Variants in HTT observed in about 807,000 individuals in gnomAD.
HTT encodes the protein huntington disease protein.
A neutral mutation model predicts 362.3 loss-of-function variants in HTT; 104 were observed. The observed-to-expected ratio is 0.29, with a 90% CI of 0.24 to 0.34. The LOEUF (loss-of-function observed/expected upper bound fraction) is 0.34, where lower values mean the gene tolerates loss of function less well. Among genes scored for constraint, HTT ranks in the 10% least tolerant of loss-of-function variants. The pLI is 1.00. For missense variants in HTT, 3,301 were observed against 3,928.6 expected (o/e 0.84, Z 4.27); for synonymous variants, 1,577 against 1,548.7 (o/e 1.02, Z -0.43).
chr4:3,132,463 C>A, intron 16 of HTT, 99 bp from the exon 17 acceptor site: 2 of 992,274 alleles, frequency 2.0e-6, no homozygotes, highest in Non-Finnish European at 3.0e-6. Flanking sequence ...ATCTTCTCTT[C>A]ACACCTCTTT....
chr4:3,129,223 A>G (rs1206927010), intron 12 of HTT: 2 of 152,336 alleles, frequency 1.3e-5, no homozygotes, highest in Admixed American at 1.3e-4. Flanking sequence ...ACGTGGGTGT[A>G]CAGATAGCTC....
chr4:3,239,774 G>A, intron 66 of HTT, 72 bp from the exon 67 acceptor site: 1 of 1,238,042 alleles, frequency 8.1e-7, no homozygotes, highest in South Asian at 1.3e-5. Flanking sequence ...TTCAGGAGAG[G>A]AACTCCCAGG....
rs1419687761 is a variant in HTT at position 3,099,307 on chromosome 4, C to T, written c.381C>T (p.Ile127=). ...NSPEFQKLLG[I]AMELFLLCSD... is the part of the protein sequence containing the mutation. ...CAGAATTTCAGAAACTTCTGGGCATCGCTATGGAACTTTTTCTGCTGTGCA... is the reference window on the plus strand; with the variant it reads ...CAGAATTTCAGAAACTTCTGGGCATTGCTATGGAACTTTTTCTGCTGTGCA... The change falls in exon 3 of 67, where the codon ATC becomes ATT. Residue 127 remains isoleucine (I), a synonymous_variant. Coordinates refer to ENST00000355072, the MANE Select transcript of HTT (RefSeq NM_001388492.1). The T allele has an allele frequency of 5.6e-6, 9 of 1,613,942 alleles. No homozygotes were observed. The highest frequency in any genetic ancestry group is 5.5e-5 in the South Asian group (5 of 91,062).
chr4:3,189,179 G>A (rs1296862536), intron 40 of HTT, 86 bp downstream of exon 40: 23 of 1,352,162 alleles, frequency 1.7e-5, no homozygotes, highest in Admixed American at 2.1e-5. Context: ...TGTGCTGCCC[G>A]GTAGAAACTC....
Position 3,187,755 on chromosome 4 carries a change from G to A in HTT, c.5094G>A (p.Glu1698=). Residue 1698 remains glutamate, a synonymous_variant, in exon 39 of 67, where the codon GAG becomes GAA. Transcript: ENST00000355072. ...ATATTGTTCTTTCTCGTATTCAGGA[G>A]CTCTCCTTCTCTCCGTATTTAATCT... ...TEDIVLSRIQ[E]LSFSPYLISC... 1 of 1,613,782 alleles carries A rather than the reference G, an allele frequency of 6.2e-7. No homozygotes were observed. Among genetic ancestry groups the A allele is most frequent in the East Asian group, 2.2e-5 (1 of 44,880 alleles).
chr4:3,166,884 C>G (rs986851043), intron 29 of HTT, among the ~76,000 whole-genome samples: 1 of 152,270 alleles, frequency 6.6e-6, no homozygotes, highest in African/African-American at 2.4e-5. Flanking sequence ...CCCCCGACCC[C>G]TTGTGCTTCC....
At chr4:3,195,121 C>G in intron 40 of HTT, among the ~76,000 whole-genome samples, 1 of 152,100 alleles carries the variant, frequency 6.6e-6, no homozygotes, top group East Asian at 1.9e-4. Flanking sequence ...CTGCCACTTT[C>G]AGAATACCCA....
chr4:3,113,669 TA>T (rs982491739), intron 6 of HTT, among the ~76,000 whole-genome samples: 12 of 152,200 alleles, frequency 7.9e-5, no homozygotes, highest in Non-Finnish European at 1.3e-4. Flanking sequence ...TTCTTGCAGC[TA>T]AAAAAGTTTG....
At chr4:3,137,782 C>G (rs1716139456) in intron 21 of HTT, among the ~76,000 whole-genome samples, 1 of 152,150 alleles carries the variant, frequency 6.6e-6, no homozygotes, top group South Asian at 2.1e-4. Context: ...GCTTCTTTTA[C>G]TTAATTGTGA....
rs760763234 is a variant in HTT, at chr4:3,192,106, G to A, written c.5368+3013G>A. Among the ~76,000 whole-genome samples the A allele has an allele frequency of 2.6e-5, 4 of 152,016 alleles. No individual in the cohort carries two copies. In the East Asian group the frequency reaches 5.8e-4, roughly 22 times the overall value. ...TTTAAAGATAGGGTCTCACTTTGTCGCCTAGGCTGAAGTGCAGTGGCATGA... is the reference window on the plus strand; with the variant it reads ...TTTAAAGATAGGGTCTCACTTTGTCACCTAGGCTGAAGTGCAGTGGCATGA... On this transcript the variant is annotated intron_variant, in intron 40 of 66. Transcript: ENST00000355072.
intron 64 of HTT, among the ~76,000 whole-genome samples, chr4:3,236,639 C>T (rs902379098): frequency 1.3e-5 from 2 of 152,092 alleles, no homozygotes; most frequent in East Asian, 3.8e-4. Context: ...GAGAGGGGAG[C>T]CCACGGGGCT....
Position 3,218,084 on chromosome 4 carries a change from A to G in HTT, c.7242+132A>G. On this transcript the variant is annotated intron_variant, in intron 52 of 66. Transcript: ENST00000355072. The surrounding 1 kb of genome is among the most constrained non-coding windows in gnomAD (Gnocchi z 4.4). ...GCTGCCTGCTGTGGTTCTGGTGCCC[A>G]CTGTGGTTCTGGTGCCAGGCTGCTT... 1.3e-6 allele frequency: 1 copy of G among 744,696 alleles called. No individual in the cohort carries two copies. Among genetic ancestry groups the G allele is most frequent in the South Asian group, 2.0e-5 (1 of 49,846 alleles). 46.1% of individuals were successfully genotyped at this position (744,696 alleles called of 1,614,324 possible).
At chr4:3,110,060 T>G (rs1400224024) in intron 6 of HTT, among the ~76,000 whole-genome samples, 1 of 152,176 alleles carries the variant, frequency 6.6e-6, no homozygotes, top group African/African-American at 2.4e-5. Context: ...TTCATCACCA[T>G]GTCGTGTTCA....
chr4:3,172,021 G>A (rs1258306470), intron 29 of HTT, among the ~76,000 whole-genome samples: 3 of 152,150 alleles, frequency 2.0e-5, no homozygotes, highest in Non-Finnish European at 4.4e-5. Context: ...CTGAATTCCT[G>A]CCCTGCGAAC....
intron 24 of HTT, among the ~76,000 whole-genome samples, chr4:3,146,341 C>T (rs1258818813): frequency 6.6e-6 from 1 of 152,122 alleles, no homozygotes; most frequent in Non-Finnish European, 1.5e-5. Flanking sequence ...ATTGGGGAAC[C>T]AACATAATAA....
In HTT at chr4:3,217,950, C is replaced by T; in HGVS notation, c.7240C>T (p.Leu2414=). The T allele has an allele frequency of 6.2e-7, 1 of 1,605,198 alleles. No homozygotes were observed. The highest frequency in any genetic ancestry group is 8.5e-7 in the Non-Finnish European group (1 of 1,176,110). ...LVNSYTRVPP[L]VWKLGWSPKP... ...CAACAGCTACACACGTGTGCCCCCA[C>T]TGGTGAGTCTGCTCGTTCCTTGCAG... is the stretch of plus-strand genomic sequence containing the variant. Residue 2414 remains leucine, a splice_region_variant and synonymous_variant, in exon 52 of 67, where the codon CTG becomes TTG. Coordinates refer to ENST00000355072, the MANE Select transcript of HTT (RefSeq NM_001388492.1).
intron 35 of HTT, among the ~76,000 whole-genome samples, chr4:3,179,824 G>A (rs1198673585): frequency 7.5e-5 from 11 of 146,732 alleles, no homozygotes; most frequent in African/African-American, 1.8e-4. Flanking sequence ...ATGTGTGAGC[G>A]TATGTGTCAC....
At chr4:3,119,781 G>T (rs1715206362) in intron 8 of HTT, among the ~76,000 whole-genome samples, 1 of 152,172 alleles carries the variant, frequency 6.6e-6, no homozygotes, top group South Asian at 2.1e-4. Context: ...TTATTACATT[G>T]AGAGGAGCCA....
chr4:3,148,025 A>G lies in HTT; in HGVS notation c.3316A>G (p.Arg1106Gly), dbSNP rs1456384797. ...LLAASAPKSLRSSWASEEEAN... is the reference protein window; with the variant it reads ...LLAASAPKSLGSSWASEEEAN... ...CACAGCCAGTGCTCCCAAATCTCTG[A>G]GAAGTTCATGGGCCTCTGAAGAAGA... The change falls in exon 26 of 67, where the codon AGA becomes GGA. Residue 1106 changes from arginine (R) to glycine (G), a missense_variant. Transcript: ENST00000355072. 6.2e-7 allele frequency: 1 copy of G among 1,613,526 alleles called. No individual in the cohort carries two copies. Among genetic ancestry groups the G allele is most frequent in the Admixed American group, 1.7e-5 (1 of 59,908 alleles).
Sources: gnomAD v4.1 joint callset for allele counts (sites outside exome capture counted in the v4.1 genomes callset) on GRCh38, gnomAD v4.1.1 for gene constraint, Gnocchi (gnomAD v3.1) non-coding constraint, MANE v1.5 for transcripts, NCBI Gene and HGNC (gene_info 2026-07-23, HGNC 2026-07-21) for gene names.